The following GRIK2 variants were observed in gnomAD, a reference collection of about 807,000 sequenced individuals.
GRIK2 encodes glutamate receptor ionotropic, kainate 2.
Under a neutral mutation model 100.3 loss-of-function variants are expected in GRIK2, and 32 were observed. The observed-to-expected ratio is 0.32, with a 90% CI of 0.24 to 0.43. The LOEUF (loss-of-function observed/expected upper bound fraction) is 0.43, where lower values mean the gene tolerates loss of function less well. GRIK2 is among the 20% of genes least tolerant of loss of function. The pLI, the probability that GRIK2 is intolerant of heterozygous loss-of-function variation, is 1.00. For missense variants in GRIK2, 843 were observed against 1,114.9 expected, an observed-to-expected ratio of 0.76 and a Z score of 3.47; for synonymous variants, 417 against 389.4, an observed-to-expected ratio of 1.07 and a Z score of -0.83.
chr6:101,875,413 T>G (rs1392675730), intron 11 of GRIK2, among the ~76,000 whole-genome samples: 2 of 151,862 alleles, frequency 1.3e-5, no homozygotes, highest in Non-Finnish European at 2.9e-5. Flanking sequence ...CACATACTAT[T>G]TTTTCTTTCA....
At chr6:101,957,799 G>A (rs1166270160) in intron 14 of GRIK2, among the ~76,000 whole-genome samples, 1 of 151,972 alleles carries the variant, frequency 6.6e-6, no homozygotes, top group Non-Finnish European at 1.5e-5. Flanking sequence ...TTTCTCCAGT[G>A]TATACTTTTG....
At chr6:101,612,254 C>A (rs9485520) in intron 2 of GRIK2, among the ~76,000 whole-genome samples, 1 of 151,794 alleles carries the variant, frequency 6.6e-6, no homozygotes, top group African/African-American at 2.4e-5. Context: ...ATCTACCTTG[C>A]AGGACTGAAA....
chr6:101,745,375 C>T (rs1354153919), intron 7 of GRIK2, among the ~76,000 whole-genome samples: 1 of 152,008 alleles, frequency 6.6e-6, no homozygotes, highest in African/African-American at 2.4e-5. Flanking sequence ...TGATCAGACC[C>T]TCATAGAAAA....
At chr6:101,614,181 A>G (rs998922704) in intron 2 of GRIK2, among the ~76,000 whole-genome samples, 2 of 151,778 alleles carry the variant, frequency 1.3e-5, no homozygotes, top group Non-Finnish European at 1.5e-5. Flanking sequence ...TGCATAGTAC[A>G]TGTAAATATT....
At chr6:101,626,775 C>A in intron 4 of GRIK2, 138 bp downstream of exon 4, 1 of 654,482 alleles carries the variant, frequency 1.5e-6, no homozygotes. Flanking sequence ...AAGACAGAAT[C>A]AAACACCAAT....
At chr6:101,768,385 T>A (rs1778170585) in intron 7 of GRIK2, among the ~76,000 whole-genome samples, 1 of 152,164 alleles carries the variant, frequency 6.6e-6, no homozygotes, top group Non-Finnish European at 1.5e-5. Flanking sequence ...TTCAGACTGT[T>A]CTCCCCAGTG....
At chr6:101,855,660 A>T (rs1784386080) in intron 10 of GRIK2, among the ~76,000 whole-genome samples, 2 of 152,208 alleles carry the variant, frequency 1.3e-5, no homozygotes, top group Non-Finnish European at 2.9e-5. Context: ...AAGAGAGGGA[A>T]TAGAAGCTAA....
intron 2 of GRIK2, among the ~76,000 whole-genome samples, chr6:101,605,147 C>T (rs1779386507): frequency 6.6e-6 from 1 of 151,948 alleles, no homozygotes; most frequent in Non-Finnish European, 1.5e-5. Flanking sequence ...GGCTGAAATA[C>T]AAAGGAAAGG....
intron 2 of GRIK2, among the ~76,000 whole-genome samples, chr6:101,456,730 C>T (rs1771030249): frequency 6.6e-6 from 1 of 151,066 alleles, no homozygotes. Flanking sequence ...AAGCTATGTT[C>T]TTTAGTTCCT....
chr6:101,815,620 TA>T (rs3995810), intron 9 of GRIK2, among the ~76,000 whole-genome samples: 19,866 of 141,894 alleles, frequency 0.14, 1,328 homozygotes, highest in Admixed American at 0.18. Context: ...GTTTCAGAGC[TA>T]AAAAAAAAAA....
intron 10 of GRIK2, among the ~76,000 whole-genome samples, chr6:101,831,644 A>T (rs769055576): frequency 6.6e-6 from 1 of 152,170 alleles, no homozygotes; most frequent in African/African-American, 2.4e-5. Flanking sequence ...TGTTATTATT[A>T]TTTATAGTTA....
At chr6:101,732,279 C>T (rs529670602) in intron 7 of GRIK2, among the ~76,000 whole-genome samples, 42 of 151,728 alleles carry the variant, frequency 2.8e-4, no homozygotes, top group Non-Finnish European at 5.5e-4. Context: ...TAAAGAAATA[C>T]GTAAGGGTTT....
intron 7 of GRIK2, among the ~76,000 whole-genome samples, chr6:101,724,368 C>T (rs900250027): frequency 6.6e-6 from 1 of 151,776 alleles, no homozygotes; most frequent in African/African-American, 2.4e-5. Context: ...CTGGTAGTTT[C>T]CTGTATCGAT....
chr6:102,049,686 T>C (rs1582788051), intron 15 of GRIK2, among the ~76,000 whole-genome samples: 1 of 152,086 alleles, frequency 6.6e-6, no homozygotes, highest in African/African-American at 2.4e-5. Context: ...GAAGTGCATG[T>C]GGGAATAGCC....
rs1172192017 is a variant in GRIK2, at chr6:101,458,696, C to T, written c.115+59304C>T. On this transcript the variant is annotated intron_variant, in intron 2 of 16. Transcript: ENST00000369134. ...TAGACAATCGTATCTGGTACTAGGA[C>T]GGCAGCCTCTTCAGCAAGAAGGGGG... 3.9e-5 allele frequency among the ~76,000 whole-genome samples: 6 copies of T among 152,160 alleles called. No individual in the cohort carries two copies. In the South Asian group the frequency reaches 6.2e-4, roughly 16 times the overall value.
intron 2 of GRIK2, among the ~76,000 whole-genome samples, chr6:101,554,960 A>G (rs1325473181): frequency 6.6e-6 from 1 of 152,218 alleles, no homozygotes; most frequent in African/African-American, 2.4e-5. Flanking sequence ...ACAGCTACAT[A>G]GAAAAGATTT....
At chr6:101,893,315 A>G (rs186526957) in intron 12 of GRIK2, among the ~76,000 whole-genome samples, 1 of 151,690 alleles carries the variant, frequency 6.6e-6, no homozygotes, top group Admixed American at 6.6e-5. Context: ...TATGTATTTT[A>G]TTTTCATTGA....
At chr6:102,045,843 G>C (rs1423357692) in intron 15 of GRIK2, among the ~76,000 whole-genome samples, 1 of 152,002 alleles carries the variant, frequency 6.6e-6, no homozygotes, top group Non-Finnish European at 1.5e-5. Flanking sequence ...AATTGCAAGA[G>C]TAAGTTGTTA....
At chr6:101,877,342 A>G (rs1045187298) in intron 11 of GRIK2, among the ~76,000 whole-genome samples, 5 of 151,886 alleles carry the variant, frequency 3.3e-5, no homozygotes, top group African/African-American at 1.2e-4. Flanking sequence ...CATGCAGACT[A>G]TTTTTTGCTT....
Sources: gnomAD v4.1 joint callset for allele counts (sites outside exome capture counted in the v4.1 genomes callset) on GRCh38, gnomAD v4.1.1 for gene constraint, MANE v1.5 for transcripts, NCBI Gene and HGNC (gene_info 2026-07-23, HGNC 2026-07-21) for gene names.